The following GFOD1 variants were observed in gnomAD, a reference collection of about 807,000 sequenced individuals.
The protein encoded by GFOD1 is glucose-fructose oxidoreductase domain-containing protein 1.
GFOD1 carries 9 observed loss-of-function variants against 25.4 expected under a neutral mutation model. The observed-to-expected ratio is 0.35, with a 90% CI of 0.21 to 0.62. The LOEUF (loss-of-function observed/expected upper bound fraction) is 0.62, where lower values mean the gene tolerates loss of function less well. GFOD1 is among the 20% of genes least tolerant of loss of function. The probability of loss-of-function intolerance (pLI) is 0.72; values close to 1 mark genes in which losing one functional copy is unlikely to be tolerated. For missense variants in GFOD1, 403 were observed against 556.9 expected, an observed-to-expected ratio of 0.72 and a Z score of 2.78; for synonymous variants, 253 against 245.6, an observed-to-expected ratio of 1.03 and a Z score of -0.28.
chr6:13,470,140 A>T, intron 1 of GFOD1: 1 of 1,503,808 alleles, frequency 6.6e-7, no homozygotes, highest in Non-Finnish European at 9.0e-7. Flanking sequence ...CCTGTTGGTG[A>T]ATGTAGCCAG....
At chr6:13,465,887 C>A (rs1241586136) in intron 1 of GFOD1, among the ~76,000 whole-genome samples, 1 of 152,228 alleles carries the variant, frequency 6.6e-6, no homozygotes, top group Non-Finnish European at 1.5e-5. Flanking sequence ...GGTCATCCAA[C>A]ACCCAGCTGA....
intron 1 of GFOD1, among the ~76,000 whole-genome samples, chr6:13,450,037 C>T (rs147305142): frequency 2.4e-4 from 37 of 152,290 alleles, no homozygotes; most frequent in East Asian, 1.7e-3. Context: ...TTCCGAAGAA[C>T]GCTGCCAGAG....
chr6:13,481,746 G>C (rs1758757075), intron 1 of GFOD1, among the ~76,000 whole-genome samples: 1 of 152,226 alleles, frequency 6.6e-6, no homozygotes, highest in Non-Finnish European at 1.5e-5. Flanking sequence ...CTTGCTGGGA[G>C]AGGCAACAAG....
chr6:13,477,256 GA>G (rs1562231522), intron 1 of GFOD1, among the ~76,000 whole-genome samples: 4 of 71,664 alleles, frequency 5.6e-5, no homozygotes, highest in Admixed American at 1.6e-4. Flanking sequence ...TGTGTGTGTA[GA>G]TGAGAGATTC....
Position 13,486,623 on chromosome 6 carries a change from G to T in GFOD1, c.253+15C>A, listed in dbSNP as rs781526718. ...GCGGGGGTGGGACGGAGGATGCGGG[G>T]TAGGGGTCGCTCACCTAGGGTTTTG... On this transcript the variant is annotated intron_variant, in intron 1 of 1. Transcript: ENST00000379287. 4 of 1,611,708 alleles carry T rather than the reference G, an allele frequency of 2.5e-6. No individual in the cohort carries two copies. The highest frequency in any genetic ancestry group is 3.4e-6 in the Non-Finnish European group (4 of 1,178,304).
chr6:13,365,635 C>T lies in GFOD1; in HGVS notation c.281G>A (p.Arg94His), dbSNP rs1320865293. ...GAAAGCGTCCAGCGGCGTGGCCGTG[C>T]GGTCGCAGATGACGTTCTTGCCGAT... ...LGIGKNVICDRTATPLDAFRM... is the reference protein window; with the variant it reads ...LGIGKNVICDHTATPLDAFRM... The change falls in exon 2 of 2, where the codon CGC becomes CAC. Residue 94 changes from arginine (R) to histidine (H), a missense_variant. Physicochemically the swap from Arg to His is conservative, Grantham distance 29 (BLOSUM62 0). Coordinates refer to ENST00000379287, the MANE Select transcript of GFOD1 (RefSeq NM_018988.4). This position sits in a 1 kb window ranked among gnomAD's most constrained non-coding sequence, Gnocchi z 9.2. 2 of 1,597,720 alleles carry T rather than the reference C, an allele frequency of 1.3e-6. No individual in the cohort carries two copies. The highest frequency in any genetic ancestry group is 1.7e-6 in the Non-Finnish European group (2 of 1,177,806).
chr6:13,364,830 A>G lies in GFOD1; in HGVS notation c.1086T>C (p.Ile362=). ...GCTCCGGCTCCTCGGTCATGATGGC[A>G]ATGTTCTGCCACTCGCCCGTCTGGC... ...RSSQTGEWQN[I]AIMTEEPELS... The change falls in exon 2 of 2, where the codon ATT becomes ATC. Residue 362 remains isoleucine, a synonymous_variant. Coordinates refer to ENST00000379287, the MANE Select transcript of GFOD1 (RefSeq NM_018988.4). This position sits in a 1 kb window ranked among gnomAD's most constrained non-coding sequence, Gnocchi z 4.1. 6.2e-7 allele frequency: 1 copy of G among 1,613,976 alleles called. No homozygotes were observed.
At chr6:13,415,020 A>G (rs909726454) in intron 1 of GFOD1, among the ~76,000 whole-genome samples, 18 of 152,200 alleles carry the variant, frequency 1.2e-4, no homozygotes, top group African/African-American at 3.6e-4. Flanking sequence ...TTAGGCACCA[A>G]TGAGAAAGCA....
chr6:13,420,738 A>C (rs927852834), intron 1 of GFOD1, among the ~76,000 whole-genome samples: 1 of 152,246 alleles, frequency 6.6e-6, no homozygotes, highest in Non-Finnish European at 1.5e-5. Flanking sequence ...CAATGGCTCT[A>C]CTTCAACAAA....
intron 1 of GFOD1, chr6:13,470,400 C>A (rs779652233): frequency 6.5e-7 from 1 of 1,549,550 alleles, no homozygotes; most frequent in South Asian, 1.2e-5. Context: ...GCCAGGCTGC[C>A]TCTGTGCCCT....
At chr6:13,392,142 C>T (rs1488958415) in intron 1 of GFOD1, among the ~76,000 whole-genome samples, 2 of 151,912 alleles carry the variant, frequency 1.3e-5, no homozygotes, top group African/African-American at 4.8e-5. Flanking sequence ...TGGACAGATC[C>T]CTTGGCCCAG....
At chr6:13,417,832 C>G (rs1424373575) in intron 1 of GFOD1, among the ~76,000 whole-genome samples, 1 of 152,218 alleles carries the variant, frequency 6.6e-6, no homozygotes, top group Non-Finnish European at 1.5e-5. Flanking sequence ...CAATGCATGT[C>G]TGGGTTCAGA....
At chr6:13,426,614 G>C (rs1454611243) in intron 1 of GFOD1, among the ~76,000 whole-genome samples, 1 of 152,152 alleles carries the variant, frequency 6.6e-6, no homozygotes, top group Non-Finnish European at 1.5e-5. Context: ...TGTTCTGAAG[G>C]CACCCGAGGT....
At chr6:13,464,861 C>CGTGTGTGTGT (rs36218477) in intron 1 of GFOD1, among the ~76,000 whole-genome samples, 14 of 146,870 alleles carry the variant, frequency 9.5e-5, no homozygotes, top group African/African-American at 3.3e-4. Context: ...TTCCTCTTTC[C>CGTGTGTGTGT]GTGTGTGTGT....
At chr6:13,390,411 T>C (rs1785564670) in intron 1 of GFOD1, among the ~76,000 whole-genome samples, 1 of 151,746 alleles carries the variant, frequency 6.6e-6, no homozygotes, top group Non-Finnish European at 1.5e-5. Context: ...GGCAACATAG[T>C]GAGACCCTGT....
chr6:13,386,799 C>T (rs1181184150), intron 1 of GFOD1, among the ~76,000 whole-genome samples: 3 of 152,148 alleles, frequency 2.0e-5, no homozygotes, highest in Non-Finnish European at 4.4e-5. Flanking sequence ...TCCTCATTGG[C>T]AAAGCGAGAT....
chr6:13,399,877 A>G (rs1785808815), intron 1 of GFOD1, among the ~76,000 whole-genome samples: 1 of 152,268 alleles, frequency 6.6e-6, no homozygotes, highest in Admixed American at 6.5e-5. Context: ...TAAAATAGGT[A>G]CATTTTATTG....
At chr6:13,372,505 T>C (rs1215307806) in intron 1 of GFOD1, among the ~76,000 whole-genome samples, 1 of 152,166 alleles carries the variant, frequency 6.6e-6, no homozygotes, top group Non-Finnish European at 1.5e-5. Flanking sequence ...TGTGGCTGAG[T>C]CTCTGCTCCT....
intron 1 of GFOD1, among the ~76,000 whole-genome samples, chr6:13,404,498 T>C (rs1240771820): frequency 6.6e-6 from 1 of 152,216 alleles, no homozygotes; most frequent in Non-Finnish European, 1.5e-5. Flanking sequence ...TGCTGCTTTT[T>C]TGCTACAGCC....
Sources: allele counts gnomAD v4.1 joint callset (sites outside exome capture counted in the v4.1 genomes callset), GRCh38; gene constraint gnomAD v4.1.1; non-coding constraint Gnocchi (gnomAD v3.1); transcripts MANE v1.5; gene names NCBI Gene and HGNC (gene_info 2026-07-23, HGNC 2026-07-21).